Variants in POLR2D observed in about 807,000 individuals in gnomAD.
The protein encoded by POLR2D is DNA-directed RNA polymerase II subunit RPB4.
A neutral mutation model predicts 17.6 loss-of-function variants in POLR2D; 10 were observed. That is an observed-to-expected ratio of 0.57 (90% CI 0.35 to 0.96). The LOEUF is 0.96. POLR2D is among the 40% of genes least tolerant of loss of function. POLR2D has a pLI of 0.02. For missense variants in POLR2D, 126 were observed against 176.4 expected (o/e 0.71, Z 1.62); for synonymous variants, 52 against 60.2 (o/e 0.86, Z 0.63).
intron 1 of POLR2D, among the ~76,000 whole-genome samples, chr2:127,857,569 G>A (rs544164105): frequency 7.9e-5 from 12 of 152,242 alleles, no homozygotes; most frequent in Non-Finnish European, 1.3e-4. Flanking sequence ...GCGTTCACAC[G>A]GACCAATCCT....
chr2:127,858,131 GC>G lies in POLR2D; in HGVS notation c.-32del. 7.0e-7 allele frequency: 1 copy of G among 1,420,354 alleles called. No homozygotes were observed. Among genetic ancestry groups the G allele is most frequent in the South Asian group, 1.5e-5 (1 of 66,992 alleles). 88.0% of individuals were successfully genotyped at this position (1,420,354 alleles called of 1,614,324 possible). ...CGCCGCGCCGCGCGCCACCACCAGC[GC>G]CGCCGGAAGCAGAAGCGCGGAGCAA... On this transcript the variant is annotated 5_prime_UTR_variant, in exon 1 of 4. Transcript: ENST00000272645.
chr2:127,848,201 A>T lies in POLR2D; in HGVS notation c.351-16T>A, dbSNP rs1206421560. The T allele has an allele frequency of 6.3e-7, 1 of 1,584,368 alleles. No individual in the cohort carries two copies. The highest frequency in any genetic ancestry group is 8.6e-7 in the Non-Finnish European group (1 of 1,156,320). The stretch of plus-strand genomic sequence containing the variant: ...TCCCTCCAAGCTACAAGAAAATGAA[A>T]AGAAATGAGTGATTTGGCGACTGGC... On this transcript the variant is annotated splice_polypyrimidine_tract_variant and intron_variant, in intron 3 of 3. Coordinates refer to ENST00000272645, the MANE Select transcript of POLR2D (RefSeq NM_004805.4).
At position 127,850,617 on chromosome 2, in the gene POLR2D, G is replaced by T; in HGVS notation, c.323C>A (p.Ala108Asp). 1 of 1,579,078 alleles carries T rather than the reference G, an allele frequency of 6.3e-7. No homozygotes were observed. The highest frequency in any genetic ancestry group is 8.7e-7 in the Non-Finnish European group (1 of 1,154,864). Residue 108 changes from alanine (A) to aspartate (D), a missense_variant, in exon 3 of 4, where the codon GCT becomes GAT. By Grantham distance (126) the Ala-to-Asp change is moderately radical (BLOSUM62 -2). Transcript: ENST00000272645. The stretch of plus-strand genomic sequence containing the variant: ...TGGGATTAGAGCCTTGGACTCCTCA[G>T]CAGTCTCTGGGCAAAGGTTGGCCAA... ...ACLANLCPET[A>D]EESKALIPSL...
chr2:127,850,436 G>A (rs1426426406), intron 3 of POLR2D, among the ~76,000 whole-genome samples, 154 bp downstream of exon 3: 21 of 69,954 alleles, frequency 3.0e-4, no homozygotes, highest in African/African-American at 1.2e-3. Context: ...GCGAAACTCC[G>A]TCTCAAAAAA....
intron 3 of POLR2D, 34 bp downstream of exon 3, chr2:127,850,556 A>G (rs1334437522): frequency 2.4e-5 from 21 of 872,428 alleles, no homozygotes; most frequent in Non-Finnish European, 3.7e-5. Flanking sequence ...GAATTTATCC[A>G]GTATACAGAG....
chr2:127,858,136 C>G lies in POLR2D; in HGVS notation c.-36G>C, dbSNP rs750091699. On this transcript the variant is annotated 5_prime_UTR_variant, in exon 1 of 4. Coordinates refer to ENST00000272645, the MANE Select transcript of POLR2D (RefSeq NM_004805.4). ...CGCCGCGCGCCACCACCAGCGCCGCCGGAAGCAGAAGCGCGGAGCAACGGC... is the reference window on the plus strand; with the variant it reads ...CGCCGCGCGCCACCACCAGCGCCGCGGGAAGCAGAAGCGCGGAGCAACGGC... 6 of 1,416,172 alleles carry G rather than the reference C, an allele frequency of 4.2e-6. No homozygotes were observed. Among genetic ancestry groups the G allele is most frequent in the South Asian group, 1.5e-5 (1 of 66,178 alleles). The allele number at this position is 1,416,172 out of a possible 1,614,324, so 87.7% of individuals were successfully genotyped here.
rs988039915 is a variant in POLR2D, at chr2:127,844,400, A to C, written c.*3707T>G. The C allele has an allele frequency of 2.6e-5, 4 of 152,234 alleles. No homozygotes were observed. Among genetic ancestry groups the C allele is most frequent in the African/African-American group, 4.8e-5 (2 of 41,460 alleles). 9.4% of individuals were successfully genotyped at this position (152,234 alleles called of 1,614,324 possible). ...ATCTGGTTAATTTAGCTTTCTGGTG[A>C]AGTGAGGGTTTGACAACCTATCTTT... On this transcript the variant is annotated 3_prime_UTR_variant, in exon 4 of 4. Transcript: ENST00000272645.
chr2:127,856,802 G>A (rs936228008), intron 1 of POLR2D: 3 of 151,788 alleles, frequency 2.0e-5, no homozygotes, highest in East Asian at 2.0e-4. Context: ...CTGGGAGGCC[G>A]AGCTGGGTGG....
At chr2:127,856,535 C>T (rs1163848204) in intron 1 of POLR2D, among the ~76,000 whole-genome samples, 1 of 149,554 alleles carries the variant, frequency 6.7e-6, no homozygotes, top group Non-Finnish European at 1.5e-5. Context: ...TGCAGTGAGC[C>T]GAGATCACAT....
At position 127,847,804 on chromosome 2, in the gene POLR2D, G is replaced by A; in HGVS notation, c.*303C>T. On this transcript the variant is annotated 3_prime_UTR_variant, in exon 4 of 4. Transcript: ENST00000272645. ...TATTAAGAAAAAAGATGATGTGGAG[G>A]CCAAAAACCAGGAATGAGGTAGTCA... 1 of 358,226 alleles carries A rather than the reference G, an allele frequency of 2.8e-6. No individual in the cohort carries two copies. The highest frequency in any genetic ancestry group is 3.3e-5 in the South Asian group (1 of 29,876). 22.2% of individuals were successfully genotyped at this position (358,226 alleles called of 1,614,324 possible).
At chr2:127,856,210 G>A (rs940077736) in intron 1 of POLR2D, among the ~76,000 whole-genome samples, 14 of 147,656 alleles carry the variant, frequency 9.5e-5, no homozygotes, top group Admixed American at 9.0e-4. Context: ...GATAACCTGA[G>A]CCTAGGGAAG....
chr2:127,845,139 G>A lies in POLR2D; in HGVS notation c.*2968C>T, dbSNP rs1458317922. 2 of 152,162 alleles carry A rather than the reference G, an allele frequency of 1.3e-5. No individual in the cohort carries two copies. Among genetic ancestry groups the A allele is most frequent in the Non-Finnish European group, 2.9e-5 (2 of 68,060 alleles). The allele number at this position is 152,162 out of a possible 1,614,324, so 9.4% of individuals were successfully genotyped here. A position where few individuals can be genotyped will look rare whatever the true frequency, so the allele number is the denominator to read the frequency against. ...CTCAGTTGCCATCTAGCACACGCCT[G>A]GATCGTCTGGGCTGCCTTCCAAGTC... On this transcript the variant is annotated 3_prime_UTR_variant, in exon 4 of 4. Transcript: ENST00000272645.
chr2:127,850,546 G>C lies in POLR2D; in HGVS notation c.350+44C>G, dbSNP rs771279527. 9.9e-6 allele frequency: 8 copies of C among 809,110 alleles called. No individual in the cohort carries two copies. In the South Asian group the frequency reaches 1.2e-4, roughly 12 times the overall value. The allele number at this position is 809,110 out of a possible 1,614,324, so 50.1% of individuals were successfully genotyped here. A position where few individuals can be genotyped will look rare whatever the true frequency, so the allele number is the denominator to read the frequency against. On this transcript the variant is annotated intron_variant, in intron 3 of 3. Coordinates refer to ENST00000272645, the MANE Select transcript of POLR2D (RefSeq NM_004805.4). ...TTAGACACACCAATTCTATTTGTAG[G>C]AATTTATCCAGTATACAGAGAACTT...
At chr2:127,848,327 C>A in intron 3 of POLR2D, 142 bp from the exon 4 acceptor site, 1 of 585,304 alleles carries the variant, frequency 1.7e-6, no homozygotes, top group East Asian at 3.0e-5. Flanking sequence ...CCTGATAAAA[C>A]ATTACAAAAT....
rs777594175 is a variant in POLR2D, at chr2:127,853,026, T to C, written c.153A>G (p.Ala51=). 2.9e-5 allele frequency: 46 copies of C among 1,613,420 alleles called. No individual in the cohort carries two copies. Among genetic ancestry groups the C allele is most frequent in the Non-Finnish European group, 3.6e-5 (43 of 1,179,382 alleles). The change falls in exon 2 of 4, where the codon GCA becomes GCG. Residue 51 remains alanine (A), a synonymous_variant. Transcript: ENST00000272645. ...CTTCTGAGAGCTCCTGTTCGTCCTC[T>C]GCACTCTCATTCTGCTGCTTTCGAT... ...LEHRKQQNES[A]EDEQELSEVF... is the part of the protein sequence containing the mutation.
chr2:127,851,138 C>A (rs1404346113), intron 2 of POLR2D, among the ~76,000 whole-genome samples: 1 of 152,138 alleles, frequency 6.6e-6, no homozygotes, highest in Non-Finnish European at 1.5e-5. Flanking sequence ...ATTGCTTGAA[C>A]CCGGGAGGCG....
intron 3 of POLR2D, 137 bp downstream of exon 3, chr2:127,850,440 CAAAAAAAAAAAAA>C (rs60975701): frequency 9.7e-6 from 1 of 102,900 alleles, no homozygotes; most frequent in Non-Finnish European, 1.8e-5. Context: ...AACTCCGTCT[CAAAAAAAAAAAAA>C]AAAAAAAAAA....
intron 3 of POLR2D, among the ~76,000 whole-genome samples, chr2:127,849,181 A>G (rs541277065): frequency 1.3e-5 from 2 of 151,980 alleles, no homozygotes; most frequent in Non-Finnish European, 2.9e-5. Context: ...AGTAGCCGGG[A>G]CTACAGTCGC....
chr2:127,857,386 A>T (rs1690354693), intron 1 of POLR2D, among the ~76,000 whole-genome samples: 1 of 152,122 alleles, frequency 6.6e-6, no homozygotes, highest in Non-Finnish European at 1.5e-5. Context: ...TGAGCTGAAG[A>T]CCTCATCCCT....
Sources: allele counts gnomAD v4.1 joint callset (sites outside exome capture counted in the v4.1 genomes callset), GRCh38; gene constraint gnomAD v4.1.1; transcripts MANE v1.5; gene names NCBI Gene and HGNC (gene_info 2026-07-23, HGNC 2026-07-21).